Variants in DNM3 observed in about 807,000 individuals in gnomAD.
The protein encoded by DNM3 is dynamin-3.
In DNM3, 47 loss-of-function variants were observed where a neutral mutation model predicts 101.6. The observed-to-expected ratio is 0.46, with a 90% CI of 0.37 to 0.59. The LOEUF (loss-of-function observed/expected upper bound fraction) is 0.59. Ranked by LOEUF, DNM3 falls within the 20% of genes least tolerant of loss-of-function variation. The pLI, the probability that DNM3 is intolerant of heterozygous loss-of-function variation, is 0.00. For missense variants in DNM3, 849 were observed against 1,085.7 expected, an observed-to-expected ratio of 0.78 and a Z score of 3.06; for synonymous variants, 385 against 387.9, an observed-to-expected ratio of 0.99 and a Z score of 0.09.
chr1:171,848,704 T>C (rs1046612514), intron 1 of DNM3, among the ~76,000 whole-genome samples: 16 of 152,208 alleles, frequency 1.1e-4, no homozygotes, highest in African/African-American at 3.6e-4. Context: ...TTTTTGTGTG[T>C]GTGTTTGCAT....
chr1:172,236,006 TA>T (rs2061529970), intron 14 of DNM3, among the ~76,000 whole-genome samples: 2 of 152,106 alleles, frequency 1.3e-5, no homozygotes, highest in Admixed American at 6.5e-5. Context: ...AAAAAATAAG[TA>T]AAAAACATTG....
rs774660999 is a variant in DNM3, at chr1:171,903,461, G to A, written c.162-18287G>A. ...ATACCACCTTACTTTCTTTTTCCAC[G>A]TTACAATTTTTAGAGACATTTCCCA... On this transcript the variant is annotated intron_variant, in intron 1 of 20. Coordinates refer to ENST00000627582, the MANE Select transcript of DNM3 (RefSeq NM_015569.5). 8.6e-5 allele frequency among the ~76,000 whole-genome samples: 13 copies of A among 151,986 alleles called. No individual in the cohort carries two copies. In the East Asian group the frequency reaches 1.4e-3, roughly 16 times the overall value.
intron 20 of DNM3, among the ~76,000 whole-genome samples, chr1:172,390,054 A>G (rs2069435998): frequency 6.6e-6 from 1 of 152,202 alleles, no homozygotes; most frequent in Non-Finnish European, 1.5e-5. Context: ...ATACACTGTA[A>G]AGACTACAGT....
chr1:171,900,260 T>C (rs1026310877), intron 1 of DNM3, among the ~76,000 whole-genome samples: 6 of 152,084 alleles, frequency 3.9e-5, no homozygotes, highest in African/African-American at 1.4e-4. Context: ...ACTTGTGATA[T>C]ATCGATATAA....
intron 13 of DNM3, among the ~76,000 whole-genome samples, chr1:172,121,562 C>T (rs1481542033): frequency 1.3e-5 from 2 of 152,082 alleles, no homozygotes; most frequent in African/African-American, 2.4e-5. Context: ...AATGAGTAGA[C>T]GATGATGAAG....
intron 15 of DNM3, among the ~76,000 whole-genome samples, chr1:172,286,087 C>T (rs905756108): frequency 5.9e-5 from 7 of 118,042 alleles, no homozygotes; most frequent in Middle Eastern, 4.8e-3. Flanking sequence ...TATATATATA[C>T]TATTATCATT....
At chr1:172,317,821 C>T (rs552344880) in intron 16 of DNM3, among the ~76,000 whole-genome samples, 33 of 152,118 alleles carry the variant, frequency 2.2e-4, no homozygotes, top group Non-Finnish European at 3.2e-4. Context: ...CAAGGAGGAA[C>T]TGGTAGCATT....
chr1:171,847,473 A>G (rs540955656), intron 1 of DNM3, among the ~76,000 whole-genome samples: 1 of 152,156 alleles, frequency 6.6e-6, no homozygotes, highest in Non-Finnish European at 1.5e-5. Flanking sequence ...CATTGAATTT[A>G]GACTGTGACT....
intron 14 of DNM3, among the ~76,000 whole-genome samples, chr1:172,184,029 A>C (rs1468435240): frequency 6.6e-6 from 1 of 151,920 alleles, no homozygotes; most frequent in Non-Finnish European, 1.5e-5. Context: ...AGTTACACTC[A>C]AGTAATAGCT....
chr1:172,157,432 A>G (rs1353082535), intron 14 of DNM3, among the ~76,000 whole-genome samples: 2 of 152,126 alleles, frequency 1.3e-5, no homozygotes, highest in Admixed American at 6.6e-5. Context: ...AACCTCTGCC[A>G]TAGAGTATTG....
intron 14 of DNM3, among the ~76,000 whole-genome samples, chr1:172,181,945 T>C (rs2059363321): frequency 6.6e-6 from 1 of 152,118 alleles, no homozygotes; most frequent in Non-Finnish European, 1.5e-5. Flanking sequence ...CATTAGGTGC[T>C]GATGAATCAA....
intron 2 of DNM3, among the ~76,000 whole-genome samples, chr1:171,945,745 G>A (rs2042134257): frequency 6.6e-6 from 1 of 152,092 alleles, no homozygotes; most frequent in Admixed American, 6.5e-5. Context: ...CTAAGATTGG[G>A]AATAATGGGG....
At chr1:172,112,151 T>A (rs934281213) in intron 13 of DNM3, among the ~76,000 whole-genome samples, 2 of 152,200 alleles carry the variant, frequency 1.3e-5, no homozygotes, top group African/African-American at 4.8e-5. Flanking sequence ...CGATGGATAA[T>A]AATAAAAATA....
intron 13 of DNM3, among the ~76,000 whole-genome samples, chr1:172,113,623 A>AC (rs2055661829): frequency 6.9e-6 from 1 of 145,950 alleles, no homozygotes; most frequent in African/African-American, 2.7e-5. Context: ...TCTGTCTCAA[A>AC]AAAAAAAAAA....
intron 1 of DNM3, among the ~76,000 whole-genome samples, chr1:171,904,727 G>GT (rs2038668874): frequency 1.3e-5 from 2 of 152,150 alleles, no homozygotes; most frequent in Admixed American, 6.5e-5. Flanking sequence ...CTTATGGTAG[G>GT]TATGGCTATG....
At chr1:171,845,419 G>A (rs2031919569) in intron 1 of DNM3, among the ~76,000 whole-genome samples, 1 of 152,200 alleles carries the variant, frequency 6.6e-6, no homozygotes, top group African/African-American at 2.4e-5. Context: ...CAGGTATGGT[G>A]GAGCATGCCT....
chr1:172,095,623 T>C (rs892563200), intron 13 of DNM3, among the ~76,000 whole-genome samples: 4 of 152,178 alleles, frequency 2.6e-5, no homozygotes, highest in African/African-American at 9.7e-5. Flanking sequence ...CGACTGATGC[T>C]GGCTTTTCTG....
In DNM3 at chr1:171,950,522, G is replaced by A. The variant is rs367583208; in HGVS notation, c.235+28701G>A. The stretch of plus-strand genomic sequence containing the variant: ...GCTTGGTAGGTTCAGCATATTAAAC[G>A]CACTTTTGACTTAAAATATTTTCAA... On this transcript the variant is annotated intron_variant, in intron 2 of 20. Coordinates refer to ENST00000627582, the MANE Select transcript of DNM3 (RefSeq NM_015569.5). Among the ~76,000 whole-genome samples, 174 of 152,206 alleles carry A rather than the reference G, an allele frequency of 1.1e-3. 1 individual carries two copies. Among genetic ancestry groups the A allele is most frequent in the South Asian group, 3.7e-3 (18 of 4,814 alleles).
intron 1 of DNM3, among the ~76,000 whole-genome samples, chr1:171,882,197 G>C (rs1427909914): frequency 1.4e-4 from 21 of 152,060 alleles, no homozygotes; most frequent in Non-Finnish European, 4.4e-5. Flanking sequence ...TACAAAATTA[G>C]CTGGGCGTGG....
Sources: gnomAD v4.1 joint callset for allele counts (sites outside exome capture counted in the v4.1 genomes callset) on GRCh38, gnomAD v4.1.1 for gene constraint, MANE v1.5 for transcripts, NCBI Gene and HGNC (gene_info 2026-07-23, HGNC 2026-07-21) for gene names.